The following SDK1 variants were observed in gnomAD, a reference collection of about 807,000 sequenced individuals.
SDK1 encodes the protein protein sidekick-1.
A neutral mutation model predicts 245.5 loss-of-function variants in SDK1; 157 were observed. The observed-to-expected ratio is 0.64, with a 90% confidence interval of 0.56 to 0.73. SDK1 has a LOEUF of 0.73. Ranked by LOEUF, SDK1 falls within the 30% of genes least tolerant of loss-of-function variation. The probability of loss-of-function intolerance (pLI) is 0.00; values close to 1 mark genes in which losing one functional copy is unlikely to be tolerated. For synonymous variants in SDK1, 1,647 were observed against 1,278.5 expected (o/e 1.29, Z -6.15); for missense variants, 3,583 against 3,002.3 (o/e 1.19, Z -4.52).
intron 1 of SDK1, among the ~76,000 whole-genome samples, chr7:3,489,973 A>T (rs1409189333): frequency 1.3e-5 from 2 of 152,152 alleles, no homozygotes; most frequent in African/African-American, 4.8e-5. Flanking sequence ...AATTGTCAAG[A>T]TGGGTTTTTT....
At chr7:4,203,043 G>A (rs547960213) in intron 35 of SDK1, among the ~76,000 whole-genome samples, 4 of 152,344 alleles carry the variant, frequency 2.6e-5, no homozygotes, top group South Asian at 2.1e-4. Flanking sequence ...CGAGCACAGG[G>A]AGGTTGGGCG....
At chr7:3,693,447 C>T (rs1023531434) in intron 4 of SDK1, among the ~76,000 whole-genome samples, 3 of 152,220 alleles carry the variant, frequency 2.0e-5, no homozygotes, top group Middle Eastern at 3.4e-3. Context: ...AAGTATAAAT[C>T]GGTTTGAGGA....
intron 4 of SDK1, 74 bp downstream of exon 4, chr7:3,642,179 G>C (rs1782672681): frequency 6.9e-7 from 1 of 1,441,904 alleles, no homozygotes; most frequent in African/African-American, 1.4e-5. Flanking sequence ...CACAGTAAGT[G>C]TACCAATTAA....
At chr7:3,900,391 C>G (rs983465372) in intron 5 of SDK1, among the ~76,000 whole-genome samples, 1 of 152,168 alleles carries the variant, frequency 6.6e-6, no homozygotes, top group Non-Finnish European at 1.5e-5. Context: ...TAGGTTTTAT[C>G]TGGTTTTTCA....
At chr7:3,547,377 C>T (rs112035795) in intron 1 of SDK1, among the ~76,000 whole-genome samples, 2,181 of 152,170 alleles carry the variant, frequency 0.014, 41 homozygotes, top group African/African-American at 0.042. Context: ...TTAAAACTTA[C>T]CTTGGGCAAA....
intron 5 of SDK1, among the ~76,000 whole-genome samples, chr7:3,894,368 T>G (rs1244858461): frequency 6.6e-6 from 1 of 150,766 alleles, no homozygotes; most frequent in African/African-American, 2.4e-5. Context: ...CTACAATGTT[T>G]GAGTGAAGCT....
chr7:3,680,107 A>C (rs1231472832), intron 4 of SDK1, among the ~76,000 whole-genome samples: 1 of 152,208 alleles, frequency 6.6e-6, no homozygotes, highest in African/African-American at 2.4e-5. Flanking sequence ...GCGGCAATAA[A>C]AGGAATGAAT....
chr7:4,208,115 C>G lies in SDK1; in HGVS notation c.5231C>G (p.Ala1744Gly), dbSNP rs528174685. 17 of 1,613,014 alleles carry G rather than the reference C, an allele frequency of 1.1e-5. No homozygotes were observed. Among genetic ancestry groups the G allele is most frequent in the Non-Finnish European group, 1.4e-5 (17 of 1,179,588 alleles). Residue 1744 changes from alanine (A) to glycine (G), a missense_variant, in exon 37 of 45, where the codon GCA becomes GGA. By Grantham distance (60) the Ala-to-Gly change is moderately conservative. Coordinates refer to ENST00000404826, the MANE Select transcript of SDK1 (RefSeq NM_152744.4). ...TCCTAACAGATTTACTACTGGGAGG[C>G]AGACAGCCAGAACGAAACGGAGAAA... ...IQGYKIYYWEADSQNETEKMK... is the reference protein window; with the variant it reads ...IQGYKIYYWEGDSQNETEKMK...
chr7:3,951,154 G>A, intron 6 of SDK1, 120 bp downstream of exon 6: 9 of 730,468 alleles, frequency 1.2e-5, no homozygotes, highest in South Asian at 8.4e-5. Flanking sequence ...GTCTTGTTTG[G>A]CCGGGTGGGC....
intron 5 of SDK1, among the ~76,000 whole-genome samples, chr7:3,903,190 C>T (rs1781849283): frequency 1.3e-5 from 2 of 149,864 alleles, no homozygotes; most frequent in African/African-American, 4.9e-5. Context: ...GTCGCTCAGG[C>T]TAGAGTGCAG....
intron 1 of SDK1, among the ~76,000 whole-genome samples, chr7:3,335,081 T>C (rs1780164988): frequency 6.6e-6 from 1 of 152,192 alleles, no homozygotes; most frequent in South Asian, 2.1e-4. Flanking sequence ...ATCAGCCTTA[T>C]TGCTGCCATT....
chr7:3,505,711 C>T (rs565675185), intron 1 of SDK1, among the ~76,000 whole-genome samples: 9 of 152,056 alleles, frequency 5.9e-5, no homozygotes, highest in Non-Finnish European at 1.2e-4. Flanking sequence ...ATTCTGCATC[C>T]ACAACCAAAA....
intron 5 of SDK1, among the ~76,000 whole-genome samples, chr7:3,950,237 G>A (rs1780747975): frequency 6.6e-6 from 1 of 152,182 alleles, no homozygotes; most frequent in African/African-American, 2.4e-5. Context: ...CATGTGGTCT[G>A]AGAAAGGCCA....
At chr7:4,124,096 G>C (rs758137767) in intron 25 of SDK1, among the ~76,000 whole-genome samples, 2 of 152,190 alleles carry the variant, frequency 1.3e-5, no homozygotes, top group African/African-American at 2.4e-5. Context: ...GTCCTTTCTC[G>C]CCCCTCCCTT....
At chr7:4,224,174 G>C (rs1237308945) in intron 40 of SDK1, among the ~76,000 whole-genome samples, 1 of 152,186 alleles carries the variant, frequency 6.6e-6, no homozygotes, top group African/African-American at 2.4e-5. Flanking sequence ...CTGTGACTCC[G>C]TTCTCACATT....
At chr7:3,815,407 G>A (rs1179454341) in intron 4 of SDK1, among the ~76,000 whole-genome samples, 1 of 144,794 alleles carries the variant, frequency 6.9e-6, no homozygotes, top group East Asian at 2.0e-4. Context: ...TTTCTATGCT[G>A]GATTACATTT....
chr7:3,689,965 G>A (rs1427102513), intron 4 of SDK1, among the ~76,000 whole-genome samples: 2 of 152,188 alleles, frequency 1.3e-5, no homozygotes, highest in Admixed American at 1.3e-4. Flanking sequence ...GATCATCCGT[G>A]TGGAAATGAA....
chr7:4,109,702 G>T (rs1004628405), intron 22 of SDK1, among the ~76,000 whole-genome samples: 3 of 152,202 alleles, frequency 2.0e-5, no homozygotes, highest in Non-Finnish European at 2.9e-5. Context: ...CTCTCCCGTG[G>T]CTCCCTAGCT....
At chr7:3,478,226 G>A (rs956475231) in intron 1 of SDK1, among the ~76,000 whole-genome samples, 1 of 151,950 alleles carries the variant, frequency 6.6e-6, no homozygotes, top group Non-Finnish European at 1.5e-5. Context: ...GGATTAATTT[G>A]GGAGTTATTT....
Sources: gnomAD v4.1 joint callset for allele counts (sites outside exome capture counted in the v4.1 genomes callset) on GRCh38, gnomAD v4.1.1 for gene constraint, MANE v1.5 for transcripts, NCBI Gene and HGNC (gene_info 2026-07-23, HGNC 2026-07-21) for gene names.